Variants in GK observed in about 807,000 individuals in gnomAD.
The protein encoded by GK is ATP:glycerol 3-phosphotransferase.
In GK, 9 loss-of-function variants were observed where a neutral mutation model predicts 56.4. The observed-to-expected ratio is 0.16, with a 90% confidence interval of 0.10 to 0.28. The LOEUF (loss-of-function observed/expected upper bound fraction) is 0.28, where lower values mean the gene tolerates loss of function less well. Among genes scored for constraint, GK ranks in the 10% least tolerant of loss-of-function variants. The pLI is 1.00. For missense variants in GK, 161 were observed against 431.4 expected (o/e 0.37, Z 5.55); for synonymous variants, 104 against 144.1 (o/e 0.72, Z 1.99).
intron 3 of GK, among the ~76,000 whole-genome samples, chrX:30,672,523 G>A (rs756154730): frequency 8.9e-6 from 1 of 112,188 alleles, no homozygotes; most frequent in African/African-American, 3.2e-5. Context: ...GTTTTAAAAA[G>A]TTTTATCAGG....
At chrX:30,692,276 C>A (rs1333158365) in intron 5 of GK, among the ~76,000 whole-genome samples, 2 of 110,869 alleles carry the variant, frequency 1.8e-5, no homozygotes, top group Non-Finnish European at 3.8e-5. Context: ...CAATCCTCAT[C>A]CTCACCTCCA....
At position 30,669,364 on chromosome X, in the gene GK, T is replaced by C. The variant is rs760849932; in HGVS notation, c.259+1246T>C. Among the ~76,000 whole-genome samples, 444 of 108,786 alleles carry C rather than the reference T, an allele frequency of 4.1e-3. 3 individuals are homozygous for C. The highest frequency in any genetic ancestry group is 0.014 in the African/African-American group (426 of 29,920). 94.5% of individuals were successfully genotyped at this position (108,786 alleles called of 115,157 possible). On this transcript the variant is annotated intron_variant, in intron 3 of 20. Coordinates refer to ENST00000427190, the MANE Select transcript of GK (RefSeq NM_001205019.2). The stretch of plus-strand genomic sequence containing the variant: ...TGCCCGGCTAATTTTTTGTATTTTT[T>C]GTAGAGACGGGGTTTCACCATGCTG...
intron 1 of GK, among the ~76,000 whole-genome samples, chrX:30,662,767 T>TTCTC (rs367573891): frequency 2.9e-4 from 22 of 75,136 alleles, no homozygotes; most frequent in African/African-American, 1.1e-3. Flanking sequence ...CCTTCCTTCC[T>TTCTC]TCTCTCTCTC....
At chrX:30,655,602 A>G (rs1198210591) in intron 1 of GK, among the ~76,000 whole-genome samples, 1 of 112,651 alleles carries the variant, frequency 8.9e-6, no homozygotes, top group East Asian at 2.8e-4. Flanking sequence ...GATGTTCTCA[A>G]GTTTATACAG....
intron 9 of GK, among the ~76,000 whole-genome samples, chrX:30,699,203 T>G (rs770647177): frequency 2.0e-5 from 2 of 101,747 alleles, no homozygotes; most frequent in South Asian, 8.8e-4. Context: ...TTTATATATA[T>G]GTTATATATA....
intron 12 of GK, 36 bp downstream of exon 12, chrX:30,707,634 CT>C (rs1936087754): frequency 1.4e-6 from 1 of 725,092 alleles, no homozygotes; most frequent in Non-Finnish European, 2.2e-6. Context: ...ATTTAAAAGT[CT>C]AAGTTCATCT....
rs1467926069 is a variant in GK at position 30,730,708 on chromosome X, C to A, written c.*1966C>A. The A allele has an allele frequency of 9.1e-6, 1 of 110,252 alleles. No individual in the cohort carries two copies. 9.1% of individuals were successfully genotyped at this position (110,252 alleles called of 1,213,427 possible). ...GTGGCTGACGCCTGTAATCCCAGCA[C>A]TTTGGGAGGCCGAGGTGGGCAGATC... On this transcript the variant is annotated 3_prime_UTR_variant, in exon 21 of 21. Transcript: ENST00000427190.
intron 1 of GK, among the ~76,000 whole-genome samples, chrX:30,660,224 A>T (rs1482092077): frequency 9.0e-6 from 1 of 110,730 alleles, no homozygotes; most frequent in Non-Finnish European, 1.9e-5. Flanking sequence ...TAATAATAAC[A>T]TAGCAGTAGT....
At chrX:30,673,199 G>A (rs754156923) in intron 3 of GK, among the ~76,000 whole-genome samples, 1 of 111,989 alleles carries the variant, frequency 8.9e-6, no homozygotes, top group Admixed American at 9.5e-5. Flanking sequence ...GAGAATATGT[G>A]GGTAAAGTAT....
intron 3 of GK, among the ~76,000 whole-genome samples, chrX:30,673,462 CAT>C (rs1016853429): frequency 2.7e-5 from 3 of 111,786 alleles, no homozygotes; most frequent in Admixed American, 9.6e-5. Flanking sequence ...CTTTAAAAAA[CAT>C]AGAGGATTTT....
intron 18 of GK, among the ~76,000 whole-genome samples, chrX:30,722,275 T>TC (rs1185268828): frequency 8.9e-6 from 1 of 112,683 alleles, no homozygotes; most frequent in East Asian, 2.7e-4. Flanking sequence ...GAAATGTATT[T>TC]CACCATCTGA....
At chrX:30,667,221 G>A (rs1405775982) in intron 2 of GK, among the ~76,000 whole-genome samples, 1 of 111,772 alleles carries the variant, frequency 8.9e-6, no homozygotes, top group African/African-American at 3.2e-5. Flanking sequence ...CCAGGAAAGG[G>A]AAGCATTTAG....
chrX:30,667,220 G>T (rs1933146957), intron 2 of GK, among the ~76,000 whole-genome samples: 1 of 111,463 alleles, frequency 9.0e-6, no homozygotes, highest in African/African-American at 3.3e-5. Flanking sequence ...CCCAGGAAAG[G>T]GAAGCATTTA....
chrX:30,697,339 A>T (rs902340115), intron 8 of GK, among the ~76,000 whole-genome samples: 2 of 112,078 alleles, frequency 1.8e-5, no homozygotes, highest in African/African-American at 6.5e-5. Flanking sequence ...GATAAGACTC[A>T]GGAATAAGTC....
chrX:30,662,002 A>C (rs1465601552), intron 1 of GK, among the ~76,000 whole-genome samples: 1 of 112,226 alleles, frequency 8.9e-6, no homozygotes, highest in East Asian at 2.8e-4. Context: ...CCATCTGCAG[A>C]CAAATCAATG....
intron 18 of GK, among the ~76,000 whole-genome samples, chrX:30,722,472 G>C (rs1936952884): frequency 8.9e-6 from 1 of 112,101 alleles, no homozygotes; most frequent in South Asian, 3.7e-4. Context: ...TCCATTCTTA[G>C]GGGAGCCATC....
chrX:30,692,740 G>A (rs1224650255), intron 5 of GK, among the ~76,000 whole-genome samples: 1 of 109,322 alleles, frequency 9.1e-6, no homozygotes, highest in Non-Finnish European at 1.9e-5. Flanking sequence ...GTTTACAGAC[G>A]TGAGCCACCG....
intron 2 of GK, among the ~76,000 whole-genome samples, chrX:30,666,872 C>T (rs978662343): frequency 9.0e-6 from 1 of 111,457 alleles, no homozygotes; most frequent in Non-Finnish European, 1.9e-5. Flanking sequence ...AAATTAGAGA[C>T]GACTTGGCGC....
At chrX:30,712,717 C>CTTTTTTTTTTTTTT (rs769269247) in intron 13 of GK, among the ~76,000 whole-genome samples, 4 of 48,435 alleles carry the variant, frequency 8.3e-5, no homozygotes, top group African/African-American at 3.9e-4. Context: ...TTTTTCTTTT[C>CTTTTTTTTTTTTTT]TTTTTTTTTT....
Sources: allele counts gnomAD v4.1 joint callset (sites outside exome capture counted in the v4.1 genomes callset), GRCh38; gene constraint gnomAD v4.1.1; transcripts MANE v1.5; gene names NCBI Gene and HGNC (gene_info 2026-07-23, HGNC 2026-07-21).